FAXC: variants seen among roughly 807,000 people sequenced by gnomAD.
The protein encoded by FAXC is failed axon connections homolog.
FAXC carries 10 observed loss-of-function variants against 41.9 expected under a neutral mutation model. The observed-to-expected ratio is 0.24, with a 90% CI of 0.15 to 0.41. The LOEUF (loss-of-function observed/expected upper bound fraction) is 0.41, where lower values mean the gene tolerates loss of function less well. Among genes scored for constraint, FAXC ranks in the 10% least tolerant of loss-of-function variants. FAXC has a pLI of 1.00. For missense variants in FAXC, 399 were observed against 510.9 expected (o/e 0.78, Z 2.11); for synonymous variants, 183 against 183.8 (o/e 1.00, Z 0.03).
At chr6:99,318,260 A>AAAACAT (rs1294149379) in intron 4 of FAXC, among the ~76,000 whole-genome samples, 1 of 64,774 alleles carries the variant, frequency 1.5e-5, no homozygotes, top group African/African-American at 6.8e-5. Flanking sequence ...CTCCGTCTCA[A>AAAACAT]ACACACACAC....
chr6:99,324,927 G>C (rs543944563), intron 3 of FAXC, among the ~76,000 whole-genome samples: 1 of 152,208 alleles, frequency 6.6e-6, no homozygotes, highest in East Asian at 1.9e-4. Flanking sequence ...CATGCCTGTA[G>C]TCCCAGCTAC....
Position 99,301,544 on chromosome 6 carries a change from C to T in FAXC, c.824-9724G>A, listed in dbSNP as rs193302625. ...ACCAGGATGGCCACAGAACTTTCTC[C>T]AGTGCATACTTCTTTCTCAAAGATC... On this transcript the variant is annotated intron_variant, in intron 4 of 5. Transcript: ENST00000389677. 3.3e-5 allele frequency among the ~76,000 whole-genome samples: 5 copies of T among 152,316 alleles called. No homozygotes were observed. The East Asian group carries it at 9.6e-4, about 29-fold the overall frequency.
At position 99,326,841 on chromosome 6, in the gene FAXC, C is replaced by T. The variant is rs555022484; in HGVS notation, c.600-3174G>A. ...CCTGCCTGATGACTTCAGCTTCCTC[C>T]GTAGCATGGGAAATGGGGGCACGCA... On this transcript the variant is annotated intron_variant, in intron 3 of 5. Coordinates refer to ENST00000389677, the MANE Select transcript of FAXC (RefSeq NM_032511.4). 1.6e-4 allele frequency among the ~76,000 whole-genome samples: 24 copies of T among 152,210 alleles called. No homozygotes were observed. In the East Asian group the frequency reaches 3.5e-3, roughly 22 times the overall value.
intron 3 of FAXC, among the ~76,000 whole-genome samples, chr6:99,332,631 C>T (rs1474745174): frequency 6.6e-6 from 1 of 152,122 alleles, no homozygotes; most frequent in Non-Finnish European, 1.5e-5. Context: ...ATGGTTCAAA[C>T]TTGGGGAATA....
At chr6:99,333,838 G>A (rs1480853209) in intron 2 of FAXC, among the ~76,000 whole-genome samples, 2 of 152,282 alleles carry the variant, frequency 1.3e-5, no homozygotes, top group East Asian at 1.9e-4. Context: ...TGGGGGTAAG[G>A]GGTAGCAGAT....
chr6:99,348,342 C>A (rs867792605), intron 1 of FAXC, among the ~76,000 whole-genome samples: 1 of 152,174 alleles, frequency 6.6e-6, no homozygotes, highest in Non-Finnish European at 1.5e-5. Context: ...TCTACCCAAA[C>A]AAAAATCTCG....
intron 5 of FAXC, among the ~76,000 whole-genome samples, chr6:99,281,952 TA>T (rs1317716857): frequency 1.3e-5 from 2 of 152,232 alleles, no homozygotes; most frequent in African/African-American, 4.8e-5. Context: ...ACGGGGAAGG[TA>T]AACATTAACA....
chr6:99,302,811 A>G (rs2128453679), intron 4 of FAXC, among the ~76,000 whole-genome samples: 1 of 152,274 alleles, frequency 6.6e-6, no homozygotes, highest in East Asian at 1.9e-4. Flanking sequence ...CTTATTTACC[A>G]GAGCTACATT....
intron 1 of FAXC, 77 bp downstream of exon 1, chr6:99,349,030 G>A (rs1773695648): frequency 7.1e-7 from 1 of 1,399,676 alleles, no homozygotes; most frequent in East Asian, 2.3e-5. Context: ...GGCTGGCACG[G>A]GCCCCTCTCG....
intron 4 of FAXC, among the ~76,000 whole-genome samples, chr6:99,322,198 C>T (rs1217395514): frequency 6.6e-6 from 1 of 152,202 alleles, no homozygotes; most frequent in African/African-American, 2.4e-5. Flanking sequence ...CAGCCAGTAT[C>T]AAGCCCCCAC....
chr6:99,320,891 C>T (rs1772563901), intron 4 of FAXC, among the ~76,000 whole-genome samples: 1 of 152,210 alleles, frequency 6.6e-6, no homozygotes, highest in African/African-American at 2.4e-5. Context: ...ACGTCTCTGT[C>T]GTGGGACTTG....
At chr6:99,344,279 A>ATACCCCACTCC (rs1773519972) in intron 1 of FAXC, among the ~76,000 whole-genome samples, 2 of 152,116 alleles carry the variant, frequency 1.3e-5, no homozygotes, top group South Asian at 4.1e-4. Flanking sequence ...AGCCCCACTC[A>ATACCCCACTCC]TACCCCACTC....
At chr6:99,341,355 TAA>T (rs986033442) in intron 2 of FAXC, among the ~76,000 whole-genome samples, 7 of 151,634 alleles carry the variant, frequency 4.6e-5, no homozygotes, top group Admixed American at 1.3e-4. Flanking sequence ...CAATTAGATA[TAA>T]GAGAGAAATA....
At position 99,278,352 on chromosome 6, in the gene FAXC, A is replaced by G. The variant is rs1209208620; in HGVS notation, c.*2812T>C. ...CTTGATTTACTTTTACAATGACAGG[A>G]AAAAAAGAACGAATAGCCTATGGGT... On this transcript the variant is annotated 3_prime_UTR_variant, in exon 6 of 6. Coordinates refer to ENST00000389677, the MANE Select transcript of FAXC (RefSeq NM_032511.4). 1 of 152,194 alleles carries G rather than the reference A, an allele frequency of 6.6e-6. No homozygotes were observed. Among genetic ancestry groups the G allele is most frequent in the Non-Finnish European group, 1.5e-5 (1 of 68,030 alleles). The allele number at this position is 152,194 out of a possible 1,614,324, so 9.4% of individuals were successfully genotyped here. A position where few individuals can be genotyped will look rare whatever the true frequency, so the allele number is the denominator to read the frequency against.
At position 99,340,974 on chromosome 6, in the gene FAXC, A is replaced by G. The variant is rs188940704; in HGVS notation, c.402+1924T>C. 2.6e-5 allele frequency among the ~76,000 whole-genome samples: 4 copies of G among 152,266 alleles called. No homozygotes were observed. In the East Asian group the frequency reaches 5.8e-4, roughly 22 times the overall value. On this transcript the variant is annotated intron_variant, in intron 2 of 5. Transcript: ENST00000389677. ...GTGAGCCACCGTGCCCGGCCAAAAA[A>G]TTCCAGAATTAAAATCTTAGACAAC...
At chr6:99,288,871 C>CACACACACACACACAT (rs1279976044) in intron 5 of FAXC, among the ~76,000 whole-genome samples, 13 of 151,812 alleles carry the variant, frequency 8.6e-5, no homozygotes, top group Non-Finnish European at 1.6e-4. Context: ...CACACACACA[C>CACACACACACACACAT]ACACACACAC....
rs149342399 is a variant in FAXC at position 99,341,115 on chromosome 6, T to C, written c.402+1783A>G. 5.2e-3 allele frequency among the ~76,000 whole-genome samples: 794 copies of C among 152,232 alleles called. 24 individuals carry two copies. The highest frequency in any genetic ancestry group is 0.048 in the Admixed American group (732 of 15,290). On this transcript the variant is annotated intron_variant, in intron 2 of 5. Transcript: ENST00000389677. ...TACAGACTTTAATTCATTTAACAAA[T>C]TAATAAGCATAAACACAAATTTGGG... is the stretch of plus-strand genomic sequence containing the variant.
intron 4 of FAXC, among the ~76,000 whole-genome samples, chr6:99,314,163 A>G (rs1772248279): frequency 6.6e-6 from 1 of 151,998 alleles, no homozygotes; most frequent in Non-Finnish European, 1.5e-5. Context: ...CCCCACACCC[A>G]GCCATCCACT....
chr6:99,292,676 G>C (rs1203214047), intron 4 of FAXC, among the ~76,000 whole-genome samples: 1 of 152,238 alleles, frequency 6.6e-6, no homozygotes, highest in South Asian at 2.1e-4. Context: ...TTCCCATCTG[G>C]AAATGGGGAT....
Sources: allele counts gnomAD v4.1 joint callset (sites outside exome capture counted in the v4.1 genomes callset), GRCh38; gene constraint gnomAD v4.1.1; transcripts MANE v1.5; gene names NCBI Gene and HGNC (gene_info 2026-07-23, HGNC 2026-07-21).